Variants in OR51B5 observed in about 807,000 individuals in gnomAD.
OR51B5 encodes olfactory receptor family 51 subfamily B member 5, also known as olfactory receptor 51B5.
For synonymous variants in OR51B5, 186 were observed against 144.8 expected (o/e 1.28, Z -2.04); for missense variants, 456 against 374.6 (o/e 1.22, Z -1.79).
At chr11:5,399,204 T>C (rs901312057) in intron 1 of OR51B5, among the ~76,000 whole-genome samples, 3 of 152,242 alleles carry the variant, frequency 2.0e-5, no homozygotes, top group Non-Finnish European at 4.4e-5. Context: ...CTGGTTTATA[T>C]GCTCATCTAT....
At chr11:5,399,435 T>C (rs1849933685) in intron 1 of OR51B5, among the ~76,000 whole-genome samples, 1 of 152,234 alleles carries the variant, frequency 6.6e-6, no homozygotes, top group African/African-American at 2.4e-5. Flanking sequence ...CTGAGGTAAG[T>C]ATTAACATCT....
At chr11:5,423,556 G>C (rs1323801380) in intron 1 of OR51B5, among the ~76,000 whole-genome samples, 2 of 152,116 alleles carry the variant, frequency 1.3e-5, no homozygotes, top group Admixed American at 1.3e-4. Flanking sequence ...TAGGCATTTA[G>C]GTAAACATTA....
downstream of OR51B5, among the ~76,000 whole-genome samples, chr11:5,341,853 A>G (rs1001933101): frequency 2.6e-5 from 4 of 152,178 alleles, no homozygotes; most frequent in African/African-American, 9.7e-5. Flanking sequence ...TAGAATAAGA[A>G]TGAGAGCAAG....
At chr11:5,422,311 C>T (rs1171483004) in intron 1 of OR51B5, 2 of 1,613,976 alleles carry the variant, frequency 1.2e-6, no homozygotes, top group African/African-American at 1.3e-5. Flanking sequence ...GCTGTCTCTA[C>T]ACCATCTCCA....
intron 1 of OR51B5, among the ~76,000 whole-genome samples, chr11:5,466,383 G>A (rs1307409961): frequency 6.6e-6 from 1 of 152,140 alleles, no homozygotes; most frequent in East Asian, 1.9e-4. Context: ...CCATTCATAT[G>A]CCTTATTATG....
In OR51B5 at chr11:5,352,063, G is replaced by T. The variant is rs200870014; in HGVS notation, n.85-5153C>A. The T allele has an allele frequency of 2.2e-5, 36 of 1,613,906 alleles. No homozygotes were observed. The highest frequency in any genetic ancestry group is 2.9e-5 in the Non-Finnish European group (34 of 1,179,916). On this transcript the variant is annotated intron_variant and non_coding_transcript_variant, in intron 1 of 4. Coordinates refer to the OR51B5 transcript ENST00000415970. ...TCTACACCAAGATGTCATCAAGCTAGCCTGTGCTGACATCACCTTCAACCG... is the reference window on the plus strand; with the variant it reads ...TCTACACCAAGATGTCATCAAGCTATCCTGTGCTGACATCACCTTCAACCG...
chr11:5,437,944 C>G (rs182594884), intron 1 of OR51B5, among the ~76,000 whole-genome samples: 2 of 152,284 alleles, frequency 1.3e-5, no homozygotes, highest in East Asian at 3.9e-4. Flanking sequence ...ATGTAATGTT[C>G]TCTTCCCCAT....
chr11:5,483,712 T>C (rs1851460248), intron 1 of OR51B5, among the ~76,000 whole-genome samples: 1 of 152,110 alleles, frequency 6.6e-6, no homozygotes, highest in Admixed American at 6.6e-5. Context: ...CTGCTTCTTA[T>C]CTTTCCCTCA....
In OR51B5 at chr11:5,362,846, G is replaced by T; in HGVS notation, n.85-15936C>A. ...TGATGCTCTGGGTTGGCATCTACAT[G>T]TGAGTGCCCAAGAGTAACAACCAGG... On this transcript the variant is annotated intron_variant and non_coding_transcript_variant, in intron 1 of 4. Coordinates refer to the OR51B5 transcript ENST00000415970. 3 of 195,116 alleles carry T rather than the reference G, an allele frequency of 1.5e-5. 1 individual carries two copies. Among genetic ancestry groups the T allele is most frequent in the Non-Finnish European group, 2.2e-5 (2 of 90,714 alleles). The allele number at this position is 195,116 out of a possible 1,614,324, so 12.1% of individuals were successfully genotyped here.
intron 1 of OR51B5, chr11:5,423,222 T>G (rs1277962462): frequency 7.0e-7 from 1 of 1,434,248 alleles, no homozygotes; most frequent in African/African-American, 1.4e-5. Flanking sequence ...TATTCAGAAT[T>G]AGGAAACTAT....
chr11:5,440,975 G>A, intron 1 of OR51B5: 1 of 1,614,022 alleles, frequency 6.2e-7, no homozygotes, highest in Non-Finnish European at 8.5e-7. Flanking sequence ...GATGGAGACA[G>A]TAGGAGTGAT....
At chr11:5,352,178 T>C (rs1564916458) in intron 1 of OR51B5, 3 of 1,614,204 alleles carry the variant, frequency 1.9e-6, no homozygotes, top group East Asian at 2.2e-5. Context: ...AAGACTGTCA[T>C]GGGCATTGGT....
intron 1 of OR51B5, among the ~76,000 whole-genome samples, chr11:5,377,184 A>C (rs1849540609): frequency 1.3e-5 from 2 of 152,198 alleles, no homozygotes; most frequent in Non-Finnish European, 2.9e-5. Context: ...GTAATCCAGC[A>C]TATAAACAGA....
chr11:5,423,093 A>C, intron 1 of OR51B5: 1 of 1,613,080 alleles, frequency 6.2e-7, no homozygotes, highest in Non-Finnish European at 8.5e-7. Context: ...AGTGTAAAGA[A>C]CAAGCAGATC....
intron 1 of OR51B5, among the ~76,000 whole-genome samples, chr11:5,373,261 T>C (rs1021303267): frequency 2.0e-5 from 3 of 152,242 alleles, no homozygotes; most frequent in African/African-American, 7.2e-5. Context: ...GGCAATTTTT[T>C]AGATATTGTC....
At chr11:5,473,199 GC>G (rs1392730251) in intron 1 of OR51B5, among the ~76,000 whole-genome samples, 1 of 152,158 alleles carries the variant, frequency 6.6e-6, no homozygotes, top group Non-Finnish European at 1.5e-5. Context: ...ATAAAGACTT[GC>G]CAATTTTTTA....
intron 1 of OR51B5, chr11:5,389,846 G>A (rs754508015): frequency 2.5e-6 from 4 of 1,613,702 alleles, no homozygotes; most frequent in Non-Finnish European, 3.4e-6. Context: ...CATTATCACT[G>A]GCCAGCAAGT....
chr11:5,383,622 A>G (rs2736539), intron 1 of OR51B5, among the ~76,000 whole-genome samples: 61,978 of 152,050 alleles, frequency 0.41, 12,862 homozygotes, highest in South Asian at 0.54. Flanking sequence ...TTGTTGCAGC[A>G]GATGTCTGTG....
Position 5,355,936 on chromosome 11 carries a change from C to T in OR51B5, n.85-9026G>A, listed in dbSNP as rs569122824. Among the ~76,000 whole-genome samples the T allele has an allele frequency of 3.7e-4, 57 of 152,198 alleles. 2 individuals carry two copies. The highest frequency in any genetic ancestry group is 1.3e-3 in the African/African-American group (53 of 41,528). The stretch of plus-strand genomic sequence containing the variant: ...GCTGAGGGTCCTGTTAGAAGGAAAA[C>T]TAACAAACAGAAAGGACATCCACAC... On this transcript the variant is annotated intron_variant and non_coding_transcript_variant, in intron 1 of 4. Transcript: ENST00000415970.
Sources: allele counts gnomAD v4.1 joint callset (sites outside exome capture counted in the v4.1 genomes callset), GRCh38; gene constraint gnomAD v4.1.1; transcripts MANE v1.5; gene names NCBI Gene and HGNC (gene_info 2026-07-23, HGNC 2026-07-21).